The following ATP8B4 variants were observed in gnomAD, a reference collection of about 807,000 sequenced individuals.
ATP8B4 encodes the protein probable phospholipid-transporting ATPase IM.
In ATP8B4, 133 loss-of-function variants were observed where a neutral mutation model predicts 145.6. That is an observed-to-expected ratio of 0.91 (90% CI 0.79 to 1.05). ATP8B4 has a LOEUF of 1.05. Among genes scored for constraint, ATP8B4 ranks in the 50% least tolerant of loss-of-function variants. The pLI is 0.00. For synonymous variants in ATP8B4, 507 were observed against 492.9 expected, an observed-to-expected ratio of 1.03 and a Z score of -0.38; for missense variants, 1,458 against 1,425.2, an observed-to-expected ratio of 1.02 and a Z score of -0.37.
At chr15:50,109,508 G>T (rs2056839753) in intron 1 of ATP8B4, among the ~76,000 whole-genome samples, 1 of 152,056 alleles carries the variant, frequency 6.6e-6, no homozygotes, top group Non-Finnish European at 1.5e-5. Flanking sequence ...AGAGGGTAAA[G>T]GCTCATCAGC....
chr15:50,065,018 A>G (rs1451098238), intron 3 of ATP8B4, among the ~76,000 whole-genome samples: 1 of 152,172 alleles, frequency 6.6e-6, no homozygotes, highest in Non-Finnish European at 1.5e-5. Context: ...AACACTAGCG[A>G]TGACAATTCG....
At chr15:50,087,322 G>A (rs1199768785) in intron 2 of ATP8B4, among the ~76,000 whole-genome samples, 4 of 62,762 alleles carry the variant, frequency 6.4e-5, no homozygotes, top group South Asian at 1.5e-3. Context: ...AATAGATATA[G>A]ATCTATATTT....
At chr15:49,890,247 A>G (rs1385147132) in intron 23 of ATP8B4, among the ~76,000 whole-genome samples, 1 of 152,174 alleles carries the variant, frequency 6.6e-6, no homozygotes, top group Non-Finnish European at 1.5e-5. Flanking sequence ...AATATGTGTG[A>G]GAGTCTCACT....
chr15:49,912,667 C>G (rs1599090117), intron 20 of ATP8B4, among the ~76,000 whole-genome samples: 1 of 152,274 alleles, frequency 6.6e-6, no homozygotes, highest in African/African-American at 2.4e-5. Context: ...CTAACTTGTT[C>G]TACAAGGCCA....
At chr15:50,042,936 T>C (rs2051416397) in intron 5 of ATP8B4, among the ~76,000 whole-genome samples, 1 of 152,248 alleles carries the variant, frequency 6.6e-6, no homozygotes, top group South Asian at 2.1e-4. Context: ...AGATAATAGA[T>C]GGCCTAACCA....
At chr15:49,871,867 G>A (rs150989397) in intron 25 of ATP8B4, among the ~76,000 whole-genome samples, 104 of 152,214 alleles carry the variant, frequency 6.8e-4, no homozygotes, top group African/African-American at 2.1e-3. Context: ...AGGCCCTCAA[G>A]CACTCAGAAT....
Position 49,920,350 on chromosome 15 carries a change from A to T in ATP8B4, c.1819T>A (p.Tyr607Asn), listed in dbSNP as rs1294971809. Residue 607 changes from tyrosine to asparagine, a missense_variant, in exon 18 of 28, where the codon TAC (tyrosine) becomes AAC (asparagine). By Grantham distance (143) the Tyr-to-Asn change is moderately radical (BLOSUM62 -2). Coordinates refer to ENST00000284509, the MANE Select transcript of ATP8B4 (RefSeq NM_024837.4). ...AGCATCTTATGCCACTCTTTAAAGT[A>T]CTTGTCATCCAGGTCTCTGTATGCG... ...AIAYRDLDDKYFKEWHKMLED... is the reference protein window; with the variant it reads ...AIAYRDLDDKNFKEWHKMLED... 6.2e-7 allele frequency: 1 copy of T among 1,614,096 alleles called. No homozygotes were observed. Among genetic ancestry groups the T allele is most frequent in the Non-Finnish European group, 8.5e-7 (1 of 1,180,040 alleles).
At chr15:50,085,536 T>A (rs901654992) in intron 2 of ATP8B4, among the ~76,000 whole-genome samples, 4 of 151,948 alleles carry the variant, frequency 2.6e-5, no homozygotes, top group Admixed American at 2.0e-4. Context: ...GGGCCCAAGA[T>A]CACATGGCAA....
chr15:50,134,534 T>C (rs895589854), intron 1 of ATP8B4, among the ~76,000 whole-genome samples: 7 of 152,072 alleles, frequency 4.6e-5, no homozygotes, highest in African/African-American at 1.7e-4. Flanking sequence ...GCAAAGAACA[T>C]CAAATACTGT....
At chr15:50,174,786 A>G (rs1443341932) in intron 1 of ATP8B4, among the ~76,000 whole-genome samples, 1 of 152,182 alleles carries the variant, frequency 6.6e-6, no homozygotes, top group Non-Finnish European at 1.5e-5. Context: ...GAATTAGAAA[A>G]AAAACAATTC....
At chr15:49,900,516 T>C (rs987730838) in intron 21 of ATP8B4, among the ~76,000 whole-genome samples, 2 of 152,226 alleles carry the variant, frequency 1.3e-5, no homozygotes, top group Non-Finnish European at 2.9e-5. Context: ...TTGTTCAAGA[T>C]TCAGAATCTG....
At position 50,038,751 on chromosome 15, in the gene ATP8B4, C is replaced by A; in HGVS notation, c.362+17G>T. The A allele has an allele frequency of 6.2e-7, 1 of 1,602,852 alleles. No individual in the cohort carries two copies. Among genetic ancestry groups the A allele is most frequent in the Non-Finnish European group, 8.5e-7 (1 of 1,170,462 alleles). Reference sequence around the variant, plus strand: ...TCCTAGAAATTTTCAGAATAACCCACAGAATGTATTTCTTACTTGCTGTTG... The same window carrying A: ...TCCTAGAAATTTTCAGAATAACCCAAAGAATGTATTTCTTACTTGCTGTTG... On this transcript the variant is annotated intron_variant, in intron 6 of 27. Transcript: ENST00000284509.
chr15:49,875,129 A>C (rs1213434038), intron 25 of ATP8B4, among the ~76,000 whole-genome samples: 2 of 152,200 alleles, frequency 1.3e-5, no homozygotes, highest in Non-Finnish European at 2.9e-5. Context: ...CATACACACA[A>C]ACATTTAATG....
intron 23 of ATP8B4, among the ~76,000 whole-genome samples, chr15:49,888,939 C>T (rs1020927878): frequency 2.0e-5 from 3 of 152,076 alleles, no homozygotes; most frequent in Non-Finnish European, 4.4e-5. Context: ...CAGGCCTGTC[C>T]CTCCCACAGC....
In ATP8B4 at chr15:49,964,624, T is replaced by A. The variant is rs139638505; in HGVS notation, c.1244-2604A>T. Among the ~76,000 whole-genome samples the A allele has an allele frequency of 5.3e-3, 801 of 152,300 alleles. 4 individuals carry two copies. The highest frequency in any genetic ancestry group is 7.6e-3 in the Non-Finnish European group (520 of 68,020). Reference sequence around the variant, plus strand: ...GATGTTATAAATGCATTATAAATTATAACAGCATATAAATTAAGAGTCTAA... The same window carrying A: ...GATGTTATAAATGCATTATAAATTAAAACAGCATATAAATTAAGAGTCTAA... On this transcript the variant is annotated intron_variant, in intron 13 of 27. Transcript: ENST00000284509.
At chr15:50,146,456 AT>A (rs2044278523) in intron 1 of ATP8B4, among the ~76,000 whole-genome samples, 1 of 152,254 alleles carries the variant, frequency 6.6e-6, no homozygotes, top group Admixed American at 6.5e-5. Flanking sequence ...TAACTTGTGA[AT>A]GTGAAATTCT....
At chr15:50,113,978 T>G (rs2057073782) in intron 1 of ATP8B4, among the ~76,000 whole-genome samples, 1 of 151,686 alleles carries the variant, frequency 6.6e-6, no homozygotes, top group Admixed American at 6.6e-5. Flanking sequence ...TTGTGAGTTG[T>G]CATGTCCATA....
At chr15:49,907,176 C>A (rs2038715168) in intron 20 of ATP8B4, among the ~76,000 whole-genome samples, 2 of 152,132 alleles carry the variant, frequency 1.3e-5, no homozygotes, top group Non-Finnish European at 2.9e-5. Flanking sequence ...CACTGATGAA[C>A]AGTAACAGGT....
intron 1 of ATP8B4, among the ~76,000 whole-genome samples, chr15:50,163,273 T>C (rs2044547691): frequency 6.6e-6 from 1 of 152,224 alleles, no homozygotes; most frequent in Non-Finnish European, 1.5e-5. Flanking sequence ...GGGAAGGCTT[T>C]CCAAGTATTC....
Sources: allele counts gnomAD v4.1 joint callset (sites outside exome capture counted in the v4.1 genomes callset), GRCh38; gene constraint gnomAD v4.1.1; transcripts MANE v1.5; gene names NCBI Gene and HGNC (gene_info 2026-07-23, HGNC 2026-07-21).